TTYH1: variants seen among roughly 807,000 people sequenced by gnomAD.
TTYH1 encodes the protein protein tweety homolog 1.
In TTYH1, 33 loss-of-function variants were observed where a neutral mutation model predicts 61.2. That is an observed-to-expected ratio of 0.54 (90% CI 0.41 to 0.72). The LOEUF is 0.72. Ranked by LOEUF, TTYH1 falls within the 30% of genes least tolerant of loss-of-function variation. The pLI is 0.00. For synonymous variants in TTYH1, 308 were observed against 266.4 expected (o/e 1.16, Z -1.52); for missense variants, 538 against 575.8 (o/e 0.93, Z 0.67).
Position 54,424,387 on chromosome 19 carries a change from C to T in TTYH1, c.638+1977C>T, listed in dbSNP as rs573839488. On this transcript the variant is annotated intron_variant, in intron 4 of 13. Coordinates refer to ENST00000376530, the MANE Select transcript of TTYH1 (RefSeq NM_020659.4). ...TCCGACGTCAGCTGGAGGCCCTGCC[C>T]GCGGGGCATGCGCTGAGATTTGGGA... Among the ~76,000 whole-genome samples the T allele has an allele frequency of 2.6e-3, 397 of 152,316 alleles. 1 individual carries two copies. The highest frequency in any genetic ancestry group is 2.7e-3 in the East Asian group (14 of 5,190).
At chr19:54,432,061 A>G (rs2083455576) in intron 10 of TTYH1, 1 of 152,136 alleles carries the variant, frequency 6.6e-6, no homozygotes, top group South Asian at 2.1e-4. Context: ...CTCTACTAAA[A>G]ATAGAAAAAG....
chr19:54,421,478 G>C lies in TTYH1; in HGVS notation c.417+90G>C. 1 of 897,020 alleles carries C rather than the reference G, an allele frequency of 1.1e-6. No individual in the cohort carries two copies. Among genetic ancestry groups the C allele is most frequent in the Non-Finnish European group, 1.9e-6 (1 of 537,964 alleles). 55.6% of individuals were successfully genotyped at this position (897,020 alleles called of 1,614,324 possible). ...CAAAGGGATCCAAACTCAGAGCTAA[G>C]ACCCCAGGCTTGAAGCTTAGGAACC... On this transcript the variant is annotated intron_variant, in intron 3 of 13. Coordinates refer to ENST00000376530, the MANE Select transcript of TTYH1 (RefSeq NM_020659.4). This position sits in a 1 kb window ranked among gnomAD's most constrained non-coding sequence, Gnocchi z 4.8.
In TTYH1 at chr19:54,421,728, G is replaced by A. The variant is rs562835149; in HGVS notation, c.417+340G>A. 2.0e-5 allele frequency among the ~76,000 whole-genome samples: 3 copies of A among 151,974 alleles called. No individual in the cohort carries two copies. The highest frequency in any genetic ancestry group is 1.9e-4 in the East Asian group (1 of 5,154). ...CCCGTAAGCAAGCTCAGGGACCCCC[G>A]CCCTGAGGCCCAGGTCCCCGACTTG... On this transcript the variant is annotated intron_variant, in intron 3 of 13. Transcript: ENST00000376530. This position sits in a 1 kb window ranked among gnomAD's most constrained non-coding sequence, Gnocchi z 4.8.
chr19:54,436,418 C>T lies in TTYH1; in HGVS notation c.*128C>T. 1 of 1,601,608 alleles carries T rather than the reference C, an allele frequency of 6.2e-7. No homozygotes were observed. Among genetic ancestry groups the T allele is most frequent in the Non-Finnish European group, 8.6e-7 (1 of 1,168,888 alleles). On this transcript the variant is annotated 3_prime_UTR_variant, in exon 14 of 14. Transcript: ENST00000376530. The surrounding 1 kb of genome is among the most constrained non-coding windows in gnomAD (Gnocchi z 4.3). ...AACACTCTTGGCCATGGACAGCCTG[C>T]ACAGGACCGCCTCCCTGCTCTTGGC... is the stretch of plus-strand genomic sequence containing the variant.
In TTYH1 at chr19:54,416,939, G is replaced by T; in HGVS notation, c.126+1261G>T. On this transcript the variant is annotated intron_variant, in intron 1 of 13. Transcript: ENST00000376530. The surrounding 1 kb of genome is among the most constrained non-coding windows in gnomAD (Gnocchi z 7.0). ...CACCGCCAGAGGCACGGGTTTGGGG[G>T]AGCCTCACTCCGCCCCCACGGTCGG... 7.9e-7 allele frequency: 1 copy of T among 1,266,260 alleles called. No individual in the cohort carries two copies. The highest frequency in any genetic ancestry group is 1.5e-5 in the African/African-American group (1 of 64,602). The allele number at this position is 1,266,260 out of a possible 1,614,324, so 78.4% of individuals were successfully genotyped here.
chr19:54,430,947 G>C, intron 9 of TTYH1, 42 bp downstream of exon 9: 1 of 1,595,800 alleles, frequency 6.3e-7, no homozygotes, highest in Non-Finnish European at 8.6e-7. Flanking sequence ...ACCCCACGGG[G>C]AAGGCGGACG....
chr19:54,422,298 C>A lies in TTYH1; in HGVS notation c.526C>A (p.Arg176=). The change falls in exon 4 of 14, where the codon CGA becomes AGA. Residue 176 remains arginine, a synonymous_variant. Coordinates refer to ENST00000376530, the MANE Select transcript of TTYH1 (RefSeq NM_020659.4). ...GCTGGTGGCTGCCGCCCGAGGGGCTCGACGGCAGGCGGAGGCTGCGGCCCA... is the reference window on the plus strand; with the variant it reads ...GCTGGTGGCTGCCGCCCGAGGGGCTAGACGGCAGGCGGAGGCTGCGGCCCA... ...TELVAAARGA[R]RQAEAAAQQL... is the part of the protein sequence containing the mutation. 6.4e-7 allele frequency: 1 copy of A among 1,564,956 alleles called. No individual in the cohort carries two copies. The highest frequency in any genetic ancestry group is 8.7e-7 in the Non-Finnish European group (1 of 1,155,838).
rs57839696 is a variant in TTYH1 at position 54,425,712 on chromosome 19, CTT to C, written c.639-949_639-948del. On this transcript the variant is annotated intron_variant, in intron 4 of 13. Transcript: ENST00000376530. ...CCCTTCACTGATATTTAAGGATTAACTTTTTTTTTTTTTCATTTTTGAGACTA... is the reference window on the plus strand; with the variant it reads ...CCCTTCACTGATATTTAAGGATTAACTTTTTTTTTTTCATTTTTGAGACTA... Among the ~76,000 whole-genome samples the C allele has an allele frequency of 5.4e-3, 788 of 146,572 alleles. 7 individuals carry two copies. The highest frequency in any genetic ancestry group is 0.017 in the African/African-American group (681 of 39,958).
At position 54,421,142 on chromosome 19, in the gene TTYH1, G is replaced by A; in HGVS notation, c.306-135G>A. The A allele has an allele frequency of 1.5e-6, 1 of 651,606 alleles. No individual in the cohort carries two copies. Among genetic ancestry groups the A allele is most frequent in the Non-Finnish European group, 2.8e-6 (1 of 359,506 alleles). 40.4% of individuals were successfully genotyped at this position (651,606 alleles called of 1,614,324 possible). A position where few individuals can be genotyped will look rare whatever the true frequency, so the allele number is the denominator to read the frequency against. Reference sequence around the variant, plus strand: ...AGGCTGAAGTCGCCCTTTTCCCACGGGCTGGCCCAATGAGGTGGGGCTGAG... The same window carrying A: ...AGGCTGAAGTCGCCCTTTTCCCACGAGCTGGCCCAATGAGGTGGGGCTGAG... On this transcript the variant is annotated intron_variant, in intron 2 of 13. Transcript: ENST00000376530. The surrounding 1 kb of genome is among the most constrained non-coding windows in gnomAD (Gnocchi z 4.8).
rs1265225648 is a variant in TTYH1, at chr19:54,415,863, G to A, written c.126+185G>A. On this transcript the variant is annotated intron_variant, in intron 1 of 13. Coordinates refer to ENST00000376530, the MANE Select transcript of TTYH1 (RefSeq NM_020659.4). This position sits in a 1 kb window ranked among gnomAD's most constrained non-coding sequence, Gnocchi z 5.2. ...CCATGCCTGGAGGTTCTCCTGGGAC[G>A]CGCGCTGGGGGTCCAGACCTCGAGC... The A allele has an allele frequency of 2.5e-6, 2 of 803,440 alleles. No homozygotes were observed. Among genetic ancestry groups the A allele is most frequent in the Non-Finnish European group, 3.8e-6 (2 of 529,710 alleles). 49.8% of individuals were successfully genotyped at this position (803,440 alleles called of 1,614,324 possible).
intron 4 of TTYH1, among the ~76,000 whole-genome samples, chr19:54,422,998 A>G (rs986077335): frequency 6.7e-6 from 1 of 148,326 alleles, no homozygotes; most frequent in Non-Finnish European, 1.5e-5. Flanking sequence ...ACCAGACCCC[A>G]TGGCCATCCT....
chr19:54,433,064 A>G (rs2083472904), intron 10 of TTYH1: 1 of 152,156 alleles, frequency 6.6e-6, no homozygotes, highest in Non-Finnish European at 1.5e-5. Context: ...CTTTTGCATA[A>G]GGATAAACTG....
intron 10 of TTYH1, 139 bp from the exon 11 acceptor site, chr19:54,435,403 G>A: frequency 9.2e-7 from 1 of 1,082,430 alleles, no homozygotes. Context: ...ACTGCCCTTT[G>A]ACAGGGGAAA....
chr19:54,425,705 G>A (rs2083308680), intron 4 of TTYH1, among the ~76,000 whole-genome samples: 1 of 95,054 alleles, frequency 1.1e-5, no homozygotes, highest in African/African-American at 4.2e-5. Context: ...TGATATTTAA[G>A]GATTAACTTT....
Position 54,416,283 on chromosome 19 carries a change from G to C in TTYH1, c.126+605G>C, listed in dbSNP as rs531298903. The C allele has an allele frequency of 5.6e-4, 174 of 313,022 alleles. No individual in the cohort carries two copies. Among genetic ancestry groups the C allele is most frequent in the African/African-American group, 3.3e-3 (148 of 45,184 alleles). 19.4% of individuals were successfully genotyped at this position (313,022 alleles called of 1,614,324 possible). On this transcript the variant is annotated intron_variant, in intron 1 of 13. Coordinates refer to ENST00000376530, the MANE Select transcript of TTYH1 (RefSeq NM_020659.4). This position sits in a 1 kb window ranked among gnomAD's most constrained non-coding sequence, Gnocchi z 7.0. ...AAGAAGGGGTGGTCAGGGCGCTGCAGGGGTGAGGGCCGAGATGAGGCTGGG... is the reference window on the plus strand; with the variant it reads ...AAGAAGGGGTGGTCAGGGCGCTGCACGGGTGAGGGCCGAGATGAGGCTGGG...
Position 54,422,270 on chromosome 19 carries a change from G to C in TTYH1, c.498G>C (p.Thr166=), listed in dbSNP as rs762808281. The C allele has an allele frequency of 1.3e-6, 2 of 1,566,646 alleles. No homozygotes were observed. The highest frequency in any genetic ancestry group is 2.3e-5 in the South Asian group (2 of 85,296). ...TTLEEVLEPR[T]ELVAAARGAR... Reference sequence around the variant, plus strand: ...TGGAGGAGGTGCTCGAGCCGCGCACGGAGCTGGTGGCTGCCGCCCGAGGGG... The same window carrying C: ...TGGAGGAGGTGCTCGAGCCGCGCACCGAGCTGGTGGCTGCCGCCCGAGGGG... Residue 166 remains threonine, a synonymous_variant, in exon 4 of 14, where the codon ACG becomes ACC. Coordinates refer to ENST00000376530, the MANE Select transcript of TTYH1 (RefSeq NM_020659.4).
intron 1 of TTYH1, chr19:54,417,027 G>GA (rs2083095668): frequency 9.0e-7 from 1 of 1,105,996 alleles, no homozygotes. Flanking sequence ...GGGCAAGGGG[G>GA]ACCCCTGCAG....
At chr19:54,417,349 C>T (rs553055476) in intron 1 of TTYH1, among the ~76,000 whole-genome samples, 2 of 151,160 alleles carry the variant, frequency 1.3e-5, no homozygotes, top group East Asian at 1.9e-4. Flanking sequence ...ACTTTCATTA[C>T]ACACATGCAC....
At chr19:54,430,759 A>G in intron 8 of TTYH1, 54 bp from the exon 9 acceptor site, 1 of 1,592,494 alleles carries the variant, frequency 6.3e-7, no homozygotes, top group Non-Finnish European at 8.6e-7. Flanking sequence ...GAGAGGAGAG[A>G]GGGCCGGGGG....
Sources: allele counts gnomAD v4.1 joint callset (sites outside exome capture counted in the v4.1 genomes callset), GRCh38; gene constraint gnomAD v4.1.1; non-coding constraint Gnocchi (gnomAD v3.1); transcripts MANE v1.5; gene names NCBI Gene and HGNC (gene_info 2026-07-23, HGNC 2026-07-21).